The following DLG2 variants were observed in gnomAD, a reference collection of about 807,000 sequenced individuals.
DLG2 encodes discs large MAGUK scaffold protein 2.
Under a neutral mutation model 132.5 loss-of-function variants are expected in DLG2, and 45 were observed. The observed-to-expected ratio is 0.34, with a 90% CI of 0.27 to 0.44. The LOEUF (loss-of-function observed/expected upper bound fraction) is 0.44, where lower values mean the gene tolerates loss of function less well. Ranked by LOEUF, DLG2 falls within the 20% of genes least tolerant of loss-of-function variation. DLG2 has a pLI of 1.00. For synonymous variants in DLG2, 424 were observed against 419.6 expected, an observed-to-expected ratio of 1.01 and a Z score of -0.13; for missense variants, 1,045 against 1,196.9, an observed-to-expected ratio of 0.87 and a Z score of 1.87.
At chr11:85,199,970 G>A (rs181795120) in intron 4 of DLG2, among the ~76,000 whole-genome samples, 4 of 150,822 alleles carry the variant, frequency 2.7e-5, no homozygotes, top group Admixed American at 2.6e-4. Context: ...GTTTTCCCTG[G>A]AGACAGTGAC....
chr11:85,202,415 A>G (rs1048110355), intron 4 of DLG2, among the ~76,000 whole-genome samples: 2 of 152,152 alleles, frequency 1.3e-5, no homozygotes, highest in Non-Finnish European at 2.9e-5. Flanking sequence ...TAATAGATCT[A>G]AGGGAAAAAT....
At chr11:85,322,010 C>T (rs2081104790) in intron 3 of DLG2, among the ~76,000 whole-genome samples, 2 of 151,922 alleles carry the variant, frequency 1.3e-5, no homozygotes, top group African/African-American at 4.8e-5. Context: ...GCAGCAGTTC[C>T]CTATTTCCTA....
At chr11:84,785,184 T>C (rs1742621622) in intron 6 of DLG2, among the ~76,000 whole-genome samples, 1 of 152,220 alleles carries the variant, frequency 6.6e-6, no homozygotes, top group Admixed American at 6.5e-5. Flanking sequence ...TTTCTTTTAA[T>C]CTACAGGATC....
At chr11:84,272,621 CACA>C (rs1310082000) in intron 7 of DLG2, among the ~76,000 whole-genome samples, 3 of 152,144 alleles carry the variant, frequency 2.0e-5, no homozygotes, top group Non-Finnish European at 4.4e-5. Flanking sequence ...CATAGCTATA[CACA>C]ACTTCTGTCA....
intron 6 of DLG2, among the ~76,000 whole-genome samples, chr11:85,081,856 T>C (rs965938659): frequency 5.3e-5 from 8 of 152,174 alleles, no homozygotes; most frequent in African/African-American, 1.9e-4. Flanking sequence ...AGAAATCATC[T>C]GACCTTACTT....
chr11:84,906,586 C>G (rs559982228), intron 6 of DLG2, among the ~76,000 whole-genome samples: 1 of 151,998 alleles, frequency 6.6e-6, no homozygotes, highest in African/African-American at 2.4e-5. Flanking sequence ...ATTTATGACG[C>G]CCATAACTCC....
intron 18 of DLG2, among the ~76,000 whole-genome samples, chr11:83,743,405 A>G (rs1395096767): frequency 7.0e-6 from 1 of 143,430 alleles, no homozygotes; most frequent in Non-Finnish European, 1.5e-5. Context: ...TTTCACTTAC[A>G]ATGTACATAA....
intron 6 of DLG2, among the ~76,000 whole-genome samples, chr11:85,034,627 G>A (rs541061138): frequency 2.6e-5 from 4 of 152,222 alleles, no homozygotes; most frequent in African/African-American, 9.6e-5. Context: ...AAACTTCAGA[G>A]TCTAGGCTTG....
In DLG2 at chr11:83,589,529, C is replaced by A. The variant is rs1319691599; in HGVS notation, c.1940+43682G>T. The stretch of plus-strand genomic sequence containing the variant: ...AAGGAACAACCGGAACCAGCCACTG[C>A]AAAATCATGCCAAAATGTAAAGACC... On this transcript the variant is annotated intron_variant, in intron 19 of 27. Coordinates refer to ENST00000376104, the MANE Select transcript of DLG2 (RefSeq NM_001142699.3). Among the ~76,000 whole-genome samples the A allele has an allele frequency of 3.2e-4, 49 of 152,056 alleles. No individual in the cohort carries two copies. In the South Asian group the frequency reaches 5.0e-3, roughly 16 times the overall value.
chr11:84,085,440 A>AT (rs139117436), intron 10 of DLG2, among the ~76,000 whole-genome samples: 1,601 of 152,342 alleles, frequency 0.011, 12 homozygotes, highest in Non-Finnish European at 0.016. Context: ...TATGAATCTA[A>AT]TGAGCAGTGG....
chr11:83,986,958 T>A (rs1307044992), intron 11 of DLG2, among the ~76,000 whole-genome samples: 1 of 152,186 alleles, frequency 6.6e-6, no homozygotes, highest in Non-Finnish European at 1.5e-5. Context: ...TTCTGGATAT[T>A]AGCCCTTTGT....
chr11:85,453,790 A>T (rs1204980004), intron 3 of DLG2: 1 of 151,942 alleles, frequency 6.6e-6, no homozygotes, highest in Non-Finnish European at 1.5e-5. Flanking sequence ...GTCTTTTTTT[A>T]AATTTTATTT....
At chr11:85,443,352 G>A (rs189926436) in intron 3 of DLG2, among the ~76,000 whole-genome samples, 2 of 152,302 alleles carry the variant, frequency 1.3e-5, no homozygotes, top group Non-Finnish European at 2.9e-5. Context: ...ATTGAACATA[G>A]AACATAGCCC....
At chr11:84,638,774 T>C (rs2099645109) in intron 6 of DLG2, among the ~76,000 whole-genome samples, 1 of 152,168 alleles carries the variant, frequency 6.6e-6, no homozygotes, top group Non-Finnish European at 1.5e-5. Context: ...ATTATTAGTT[T>C]GATTTCATAT....
At chr11:85,435,147 G>T (rs200386573) in intron 3 of DLG2, among the ~76,000 whole-genome samples, 3 of 152,100 alleles carry the variant, frequency 2.0e-5, no homozygotes, top group Non-Finnish European at 4.4e-5. Context: ...AGTAAACTAG[G>T]TATTAACGGA....
intron 8 of DLG2, among the ~76,000 whole-genome samples, chr11:84,179,599 C>T (rs1024773092): frequency 1.3e-5 from 2 of 152,032 alleles, no homozygotes; most frequent in African/African-American, 2.4e-5. Flanking sequence ...ACGAGGCCTT[C>T]GTATTGAATA....
rs1204661834 is a variant in DLG2 at position 83,530,793 on chromosome 11, ACT to A, written c.2193+1913_2193+1914del. Among the ~76,000 whole-genome samples, 7 of 151,604 alleles carry A rather than the reference ACT, an allele frequency of 4.6e-5. No individual in the cohort carries two copies. The East Asian group carries it at 7.7e-4, about 17-fold the overall frequency. On this transcript the variant is annotated intron_variant, in intron 21 of 27. Coordinates refer to ENST00000376104, the MANE Select transcript of DLG2 (RefSeq NM_001142699.3). ...TCCATATTTGAAGGAAAGAAGCAAA[ACT>A]CTCTCTTTTTGCATGTATATCTTGT... is the stretch of plus-strand genomic sequence containing the variant.
Position 83,967,226 on chromosome 11 carries a change from T to G in DLG2, c.1057-1758A>C, listed in dbSNP as rs115503561. On this transcript the variant is annotated intron_variant, in intron 12 of 27. Transcript: ENST00000376104. ...TGCAGATATCTTTACAAGGTGGTGA[T>G]TTCATCTTCTCTGGGTATATAACAA... 7.4e-3 allele frequency among the ~76,000 whole-genome samples: 1,128 copies of G among 152,210 alleles called. 9 individuals are homozygous for G. Among genetic ancestry groups the G allele is most frequent in the African/African-American group, 0.025 (1,030 of 41,552 alleles).
At chr11:84,833,358 G>A (rs778756499) in intron 6 of DLG2, among the ~76,000 whole-genome samples, 2 of 151,450 alleles carry the variant, frequency 1.3e-5, no homozygotes, top group Non-Finnish European at 3.0e-5. Flanking sequence ...ACTGCTCCTA[G>A]CACAAGAAAG....
Sources: gnomAD v4.1 joint callset for allele counts (sites outside exome capture counted in the v4.1 genomes callset) on GRCh38, gnomAD v4.1.1 for gene constraint, MANE v1.5 for transcripts, NCBI Gene and HGNC (gene_info 2026-07-23, HGNC 2026-07-21) for gene names.